Variants in RYR3 observed in about 807,000 individuals in gnomAD.
RYR3 encodes ryanodine receptor 3, also known as brain ryanodine receptor-calcium release channel.
Under a neutral mutation model 584.3 loss-of-function variants are expected in RYR3, and 207 were observed. The ratio of observed to expected loss-of-function variants is 0.35; its 90% CI spans 0.32 to 0.40. The LOEUF (loss-of-function observed/expected upper bound fraction) is 0.40. Among genes scored for constraint, RYR3 ranks in the 10% least tolerant of loss-of-function variants. RYR3 has a pLI of 1.00. For synonymous variants in RYR3, 2,416 were observed against 2,248.5 expected (o/e 1.07, Z -2.11); for missense variants, 5,616 against 6,089.2 (o/e 0.92, Z 2.59).
At chr15:33,751,406 G>A (rs2071290781) in intron 57 of RYR3, among the ~76,000 whole-genome samples, 1 of 152,120 alleles carries the variant, frequency 6.6e-6, no homozygotes, top group Non-Finnish European at 1.5e-5. Flanking sequence ...GTTGTTTCCT[G>A]ACTTTTTAAT....
At chr15:33,619,118 G>T (rs80267812) in intron 19 of RYR3, among the ~76,000 whole-genome samples, 1,831 of 152,210 alleles carry the variant, frequency 0.012, 38 homozygotes, top group African/African-American at 0.042. Flanking sequence ...GGACAGAGTC[G>T]CTTACTGTAA....
intron 3 of RYR3, among the ~76,000 whole-genome samples, chr15:33,524,720 T>C (rs2054268688): frequency 6.6e-6 from 1 of 152,222 alleles, no homozygotes; most frequent in South Asian, 2.1e-4. Context: ...AAATGATATA[T>C]CAAAGTTGCT....
At chr15:33,486,404 G>C (rs1040046169) in intron 2 of RYR3, among the ~76,000 whole-genome samples, 6 of 152,016 alleles carry the variant, frequency 3.9e-5, no homozygotes, top group African/African-American at 9.7e-5. Flanking sequence ...CTCTGTGCAC[G>C]TCTTTGCCTG....
At chr15:33,835,188 T>C in intron 87 of RYR3, 116 bp downstream of exon 87, 1 of 757,674 alleles carries the variant, frequency 1.3e-6, no homozygotes, top group African/African-American at 1.7e-5. Flanking sequence ...AAGCCATGCA[T>C]ATTAGGTCTC....
At chr15:33,465,855 C>T (rs2048445043) in intron 1 of RYR3, 5 of 511,502 alleles carry the variant, frequency 9.8e-6, no homozygotes, top group Non-Finnish European at 3.9e-6. Flanking sequence ...AAAGGAATCA[C>T]ATGACCTCAA....
At chr15:33,558,776 C>A (rs1481945279) in intron 10 of RYR3, among the ~76,000 whole-genome samples, 3 of 152,004 alleles carry the variant, frequency 2.0e-5, no homozygotes, top group African/African-American at 7.3e-5. Flanking sequence ...TATGATGAAG[C>A]CAATAAATCA....
Position 33,412,983 on chromosome 15 carries a change from G to A in RYR3, c.52-60436G>A, listed in dbSNP as rs185324655. ...CTGTGCTCTTTGAGAATGAGAAATG[G>A]TCTACCCATCTCTGGGTCTGAAAGA... On this transcript the variant is annotated intron_variant, in intron 1 of 103. Coordinates refer to ENST00000634891, the MANE Select transcript of RYR3 (RefSeq NM_001036.6). This position sits in a 1 kb window ranked among gnomAD's most constrained non-coding sequence, Gnocchi z 4.3. Among the ~76,000 whole-genome samples, 1 of 152,258 alleles carries A rather than the reference G, an allele frequency of 6.6e-6. No individual in the cohort carries two copies. The highest frequency in any genetic ancestry group is 6.5e-5 in the Admixed American group (1 of 15,298).
intron 1 of RYR3, among the ~76,000 whole-genome samples, chr15:33,428,547 A>G (rs545456500): frequency 1.3e-5 from 2 of 152,334 alleles, no homozygotes; most frequent in South Asian, 2.1e-4. Flanking sequence ...TTAAGGCAGC[A>G]TAAATACCCA....
At chr15:33,780,392 G>A in intron 65 of RYR3, 51 bp downstream of exon 65, 1 of 1,593,730 alleles carries the variant, frequency 6.3e-7, no homozygotes, top group Middle Eastern at 1.7e-4. Context: ...GCTGAGAGGA[G>A]AGGAGCCACA....
At chr15:33,399,384 C>T (rs2596184) in intron 1 of RYR3, among the ~76,000 whole-genome samples, 2,367 of 152,192 alleles carry the variant, frequency 0.016, 64 homozygotes, top group African/African-American at 0.053. Context: ...CGTGCCTGTA[C>T]AATCCCAGAA....
chr15:33,328,240 T>C (rs1362462037), intron 1 of RYR3, among the ~76,000 whole-genome samples: 1 of 152,220 alleles, frequency 6.6e-6, no homozygotes, highest in African/African-American at 2.4e-5. Context: ...ATCCATCCTA[T>C]TTCCACCTAT....
intron 1 of RYR3, among the ~76,000 whole-genome samples, chr15:33,337,967 C>T (rs1448276415): frequency 4.0e-5 from 3 of 75,358 alleles, no homozygotes; most frequent in Non-Finnish European, 8.2e-5. Flanking sequence ...TTTTTTGAGA[C>T]TGAGTCTCAC....
chr15:33,513,159 A>C (rs1057324150), intron 3 of RYR3, among the ~76,000 whole-genome samples: 1 of 152,224 alleles, frequency 6.6e-6, no homozygotes, highest in South Asian at 2.1e-4. Context: ...TATTTATTAG[A>C]GTTTTCCTTT....
At chr15:33,675,353 A>G (rs979065854) in intron 38 of RYR3, among the ~76,000 whole-genome samples, 6 of 152,382 alleles carry the variant, frequency 3.9e-5, no homozygotes, top group African/African-American at 1.4e-4. Flanking sequence ...GTAACTTTCC[A>G]AAATCACACA....
chr15:33,864,438 T>G (rs117825144), intron 103 of RYR3, among the ~76,000 whole-genome samples: 4,937 of 151,212 alleles, frequency 0.033, 159 homozygotes, highest in Non-Finnish European at 0.039. Context: ...GGGAGAACAT[T>G]ACAGAGACAA....
Position 33,404,587 on chromosome 15 carries a change from G to GTTTT in RYR3, c.52-68831_52-68830insTTTT, listed in dbSNP as rs1314769832. Among the ~76,000 whole-genome samples, 1,303 of 130,862 alleles carry GTTTT rather than the reference G, an allele frequency of 1.0e-2. 19 individuals carry two copies. Among genetic ancestry groups the GTTTT allele is most frequent in the African/African-American group, 0.042 (1,249 of 29,974 alleles). The allele number at this position is 130,862 out of a possible 152,430, so 85.9% of individuals were successfully genotyped here. A position where few individuals can be genotyped will look rare whatever the true frequency, so the allele number is the denominator to read the frequency against. The stretch of plus-strand genomic sequence containing the variant: ...ATGAGGAATTACTATTTACTACTGT[G>GTTTT]TGTTTTTTTTTTTTTTACTTGTAAC... On this transcript the variant is annotated intron_variant, in intron 1 of 103. Coordinates refer to ENST00000634891, the MANE Select transcript of RYR3 (RefSeq NM_001036.6).
chr15:33,566,840 T>A, intron 12 of RYR3, 41 bp downstream of exon 12: 1 of 1,610,882 alleles, frequency 6.2e-7, no homozygotes, highest in Non-Finnish European at 8.5e-7. Flanking sequence ...TGAGTTTGAC[T>A]CTGTGGCCTG....
rs373347039 is a variant in RYR3, at chr15:33,660,066, G to C, written c.4396-131G>C. Reference sequence around the variant, plus strand: ...TTATTTGAAATGCTAATTAATGCTGGTAAAGCCCTTAGAGATCCCTGGATA... The same window carrying C: ...TTATTTGAAATGCTAATTAATGCTGCTAAAGCCCTTAGAGATCCCTGGATA... On this transcript the variant is annotated intron_variant, in intron 33 of 103. Coordinates refer to ENST00000634891, the MANE Select transcript of RYR3 (RefSeq NM_001036.6). The C allele has an allele frequency of 1.3e-4, 86 of 672,078 alleles. No individual in the cohort carries two copies. The African/African-American group carries it at 1.4e-3, about 11-fold the overall frequency. 41.6% of individuals were successfully genotyped at this position (672,078 alleles called of 1,614,324 possible). A position where few individuals can be genotyped will look rare whatever the true frequency, so the allele number is the denominator to read the frequency against.
intron 12 of RYR3, among the ~76,000 whole-genome samples, chr15:33,569,133 T>G (rs1347574969): frequency 6.6e-6 from 1 of 152,256 alleles, no homozygotes; most frequent in Non-Finnish European, 1.5e-5. Context: ...GTTTCCATTT[T>G]GATTACTAAG....
Sources: allele counts gnomAD v4.1 joint callset (sites outside exome capture counted in the v4.1 genomes callset), GRCh38; gene constraint gnomAD v4.1.1; non-coding constraint Gnocchi (gnomAD v3.1); transcripts MANE v1.5; gene names NCBI Gene and HGNC (gene_info 2026-07-23, HGNC 2026-07-21).